The following LHFPL6 variants were observed in gnomAD, a reference collection of about 807,000 sequenced individuals.
LHFPL6 encodes the protein LHFPL tetraspan subfamily member 6, also known as LHFPL tetraspan subfamily member 6 protein.
In LHFPL6, 9 loss-of-function variants were observed where a neutral mutation model predicts 20.6. The ratio of observed to expected loss-of-function variants is 0.44; its 90% CI spans 0.26 to 0.76. The LOEUF (loss-of-function observed/expected upper bound fraction) is 0.76, where lower values mean the gene tolerates loss of function less well. LHFPL6 is among the 30% of genes least tolerant of loss of function. The probability of loss-of-function intolerance (pLI) is 0.20; values close to 1 mark genes in which losing one functional copy is unlikely to be tolerated. For missense variants in LHFPL6, 218 were observed against 253.5 expected, an observed-to-expected ratio of 0.86 and a Z score of 0.95; for synonymous variants, 105 against 98.7, an observed-to-expected ratio of 1.06 and a Z score of -0.38.
intron 2 of LHFPL6, among the ~76,000 whole-genome samples, chr13:39,443,573 C>CA (rs1388023815): frequency 6.6e-6 from 1 of 151,830 alleles, no homozygotes; most frequent in Non-Finnish European, 1.5e-5. Context: ...GGTGAGGGGT[C>CA]AGAAGAAGAC....
At chr13:39,381,338 G>C (rs1184497223) in intron 2 of LHFPL6, among the ~76,000 whole-genome samples, 1 of 152,146 alleles carries the variant, frequency 6.6e-6, no homozygotes, top group Non-Finnish European at 1.5e-5. Context: ...TTAGGCCAGG[G>C]GCTCTCCAAG....
At chr13:39,413,884 C>T (rs566361087) in intron 2 of LHFPL6, among the ~76,000 whole-genome samples, 2 of 152,248 alleles carry the variant, frequency 1.3e-5, no homozygotes, top group South Asian at 2.1e-4. Flanking sequence ...TTGGTTTTGC[C>T]TCTCTTTGTA....
chr13:39,558,298 G>A (rs1475793801), intron 2 of LHFPL6, among the ~76,000 whole-genome samples: 4 of 152,146 alleles, frequency 2.6e-5, no homozygotes, highest in East Asian at 1.9e-4. Context: ...CCTGCCTCGC[G>A]GTAGGGAACA....
intron 2 of LHFPL6, among the ~76,000 whole-genome samples, chr13:39,600,587 T>C (rs1470809059): frequency 2.0e-5 from 3 of 152,244 alleles, no homozygotes; most frequent in Non-Finnish European, 4.4e-5. Context: ...TGTTACTGTT[T>C]CACATAGGTG....
At chr13:39,522,857 C>T (rs190949459) in intron 2 of LHFPL6, among the ~76,000 whole-genome samples, 3 of 152,276 alleles carry the variant, frequency 2.0e-5, no homozygotes, top group African/African-American at 7.2e-5. Flanking sequence ...GCATTAAATT[C>T]GTATGGACAG....
intron 3 of LHFPL6, among the ~76,000 whole-genome samples, chr13:39,350,427 C>A (rs1412225235): frequency 2.0e-5 from 3 of 152,126 alleles, no homozygotes; most frequent in South Asian, 2.1e-4. Flanking sequence ...GAAATTAGCA[C>A]CATGTTTTAC....
intron 3 of LHFPL6, among the ~76,000 whole-genome samples, chr13:39,355,077 T>C (rs1339221267): frequency 6.8e-6 from 1 of 147,096 alleles, no homozygotes. Context: ...GGTACCATAC[T>C]AGATGCATAG....
chr13:39,537,236 G>A (rs1235466312), intron 2 of LHFPL6, among the ~76,000 whole-genome samples: 1 of 152,192 alleles, frequency 6.6e-6, no homozygotes, highest in Non-Finnish European at 1.5e-5. Context: ...TAAGTTCACA[G>A]TCCTCGGCAC....
chr13:39,481,240 A>C (rs1868509625), intron 2 of LHFPL6, among the ~76,000 whole-genome samples: 1 of 152,218 alleles, frequency 6.6e-6, no homozygotes, highest in African/African-American at 2.4e-5. Context: ...ACAATGACTT[A>C]GTTCACAGTA....
chr13:39,450,753 T>C (rs1042659314), intron 2 of LHFPL6, among the ~76,000 whole-genome samples: 3 of 152,190 alleles, frequency 2.0e-5, no homozygotes, highest in Non-Finnish European at 2.9e-5. Flanking sequence ...ATATCAGTCA[T>C]TTCATATGGC....
chr13:39,527,583 T>A (rs903600756), intron 2 of LHFPL6, among the ~76,000 whole-genome samples: 5 of 152,138 alleles, frequency 3.3e-5, no homozygotes, highest in African/African-American at 1.2e-4. Flanking sequence ...ACCCAAGAAC[T>A]TCCTGATATG....
chr13:39,539,959 C>T (rs1464911833), intron 2 of LHFPL6, among the ~76,000 whole-genome samples: 1 of 152,098 alleles, frequency 6.6e-6, no homozygotes, highest in African/African-American at 2.4e-5. Context: ...GAAACCCAAA[C>T]AGACTTAGTT....
At chr13:39,521,839 CT>C (rs990212666) in intron 2 of LHFPL6, among the ~76,000 whole-genome samples, 4 of 151,342 alleles carry the variant, frequency 2.6e-5, no homozygotes, top group Non-Finnish European at 5.9e-5. Context: ...CTGCAGATTA[CT>C]TTTTTCAAAA....
intron 2 of LHFPL6, among the ~76,000 whole-genome samples, chr13:39,444,125 T>C (rs992135516): frequency 2.6e-5 from 4 of 152,184 alleles, no homozygotes; most frequent in African/African-American, 7.2e-5. Context: ...TCCTAGAACT[T>C]TGTGGAACGG....
intron 2 of LHFPL6, among the ~76,000 whole-genome samples, chr13:39,455,732 C>T (rs1272666290): frequency 6.6e-6 from 1 of 152,202 alleles, no homozygotes. Flanking sequence ...GCGATTACTT[C>T]ATCTGCTCCA....
intron 2 of LHFPL6, among the ~76,000 whole-genome samples, chr13:39,530,918 G>T (rs1223591153): frequency 1.3e-5 from 2 of 150,116 alleles, no homozygotes; most frequent in African/African-American, 2.5e-5. Context: ...TACAATGCTG[G>T]TTACAGAATC....
At chr13:39,524,853 C>T (rs9576834) in intron 2 of LHFPL6, among the ~76,000 whole-genome samples, 2,590 of 152,138 alleles carry the variant, frequency 0.017, 65 homozygotes, top group East Asian at 0.094. Context: ...TAGAAAATTG[C>T]ACTAAAATTG....
At chr13:39,569,908 A>G (rs1416004420) in intron 2 of LHFPL6, among the ~76,000 whole-genome samples, 1 of 152,204 alleles carries the variant, frequency 6.6e-6, no homozygotes, top group Non-Finnish European at 1.5e-5. Context: ...CAACTTTTGG[A>G]GTCTTTAAGC....
chr13:39,466,230 G>T (rs1258258055), intron 2 of LHFPL6, among the ~76,000 whole-genome samples: 1 of 152,114 alleles, frequency 6.6e-6, no homozygotes, highest in African/African-American at 2.4e-5. Context: ...ATTTTTCTAA[G>T]GTTCTCTCAA....
Sources: allele counts gnomAD v4.1 joint callset (sites outside exome capture counted in the v4.1 genomes callset), GRCh38; gene constraint gnomAD v4.1.1; transcripts MANE v1.5; gene names NCBI Gene and HGNC (gene_info 2026-07-23, HGNC 2026-07-21).